MAST4: variants seen among roughly 807,000 people sequenced by gnomAD.
MAST4 encodes the protein microtubule associated serine/threonine kinase family member 4, also known as microtubule-associated serine/threonine-protein kinase 4.
Under a neutral mutation model 162.7 loss-of-function variants are expected in MAST4, and 89 were observed. That is an observed-to-expected ratio of 0.55 (90% CI 0.46 to 0.65). MAST4 has a LOEUF of 0.65. Among genes scored for constraint, MAST4 ranks in the 30% least tolerant of loss-of-function variants. MAST4 has a pLI of 0.00. For missense variants in MAST4, 3,153 were observed against 3,374.0 expected (o/e 0.93, Z 1.62); for synonymous variants, 1,479 against 1,361.1 (o/e 1.09, Z -1.91).
At chr5:67,049,756 G>A (rs1251087458) in intron 4 of MAST4, among the ~76,000 whole-genome samples, 3 of 152,008 alleles carry the variant, frequency 2.0e-5, no homozygotes, top group African/African-American at 4.8e-5. Context: ...TGCCTGTCGG[G>A]GTTTCCTCTC....
intron 4 of MAST4, among the ~76,000 whole-genome samples, chr5:66,922,100 A>T (rs1165595888): frequency 6.6e-6 from 1 of 152,180 alleles, no homozygotes; most frequent in African/African-American, 2.4e-5. Context: ...CATATTGCTG[A>T]AATTTTAAAT....
chr5:66,945,414 A>G (rs1371121750), intron 4 of MAST4, among the ~76,000 whole-genome samples: 3 of 152,264 alleles, frequency 2.0e-5, no homozygotes, highest in East Asian at 1.9e-4. Context: ...ATAAGTCCTC[A>G]GTTGGCTCCA....
At chr5:66,835,860 C>T (rs780436406) in intron 3 of MAST4, among the ~76,000 whole-genome samples, 1 of 152,110 alleles carries the variant, frequency 6.6e-6, no homozygotes, top group African/African-American at 2.4e-5. Flanking sequence ...ACAAAATTGC[C>T]TTCATTGCCA....
chr5:66,796,189 G>C (rs1179424542), intron 3 of MAST4, among the ~76,000 whole-genome samples: 1 of 152,126 alleles, frequency 6.6e-6, no homozygotes, highest in Non-Finnish European at 1.5e-5. Flanking sequence ...TAATCCAACT[G>C]CTATCTCTGT....
intron 4 of MAST4, among the ~76,000 whole-genome samples, chr5:67,051,633 C>T (rs963358351): frequency 1.3e-5 from 2 of 152,012 alleles, no homozygotes; most frequent in South Asian, 2.1e-4. Flanking sequence ...CCTTCCTGTA[C>T]CCTGGAAAGG....
intron 3 of MAST4, among the ~76,000 whole-genome samples, chr5:66,892,487 C>A (rs139318225): frequency 1.3e-5 from 2 of 152,296 alleles, no homozygotes; most frequent in East Asian, 3.9e-4. Flanking sequence ...TGGCTTTAAT[C>A]CCCACATGTG....
At chr5:67,082,827 T>A (rs963507225) in intron 5 of MAST4, among the ~76,000 whole-genome samples, 4 of 152,214 alleles carry the variant, frequency 2.6e-5, no homozygotes, top group African/African-American at 9.6e-5. Context: ...AAAGTAATTG[T>A]AAATGTTAAA....
intron 24 of MAST4, among the ~76,000 whole-genome samples, chr5:67,150,222 C>G (rs527801117): frequency 6.6e-6 from 1 of 152,192 alleles, no homozygotes; most frequent in South Asian, 2.1e-4. Context: ...TTTGCCACTA[C>G]TGATCACTAA....
intron 4 of MAST4, among the ~76,000 whole-genome samples, chr5:67,050,215 A>G (rs1298961902): frequency 1.3e-5 from 2 of 152,206 alleles, no homozygotes; most frequent in African/African-American, 4.8e-5. Context: ...TAAGAAATTG[A>G]GAAGCTCCTT....
intron 1 of MAST4, among the ~76,000 whole-genome samples, chr5:66,718,330 CAT>C (rs1750983468): frequency 6.6e-6 from 1 of 151,486 alleles, no homozygotes; most frequent in Non-Finnish European, 1.5e-5. Context: ...GTTATGATGT[CAT>C]CTTGCTCCTT....
At chr5:67,133,934 TG>T (rs1561699036) in intron 17 of MAST4, among the ~76,000 whole-genome samples, 1 of 152,190 alleles carries the variant, frequency 6.6e-6, no homozygotes, top group Non-Finnish European at 1.5e-5. Flanking sequence ...ATACTGTTTT[TG>T]TAAGGAATTC....
At position 66,788,787 on chromosome 5, in the gene MAST4, C is replaced by G; in HGVS notation, c.635C>G (p.Ala212Gly). 6.3e-7 allele frequency: 1 copy of G among 1,587,628 alleles called. No individual in the cohort carries two copies. The change falls in exon 3 of 29, where the codon GCC becomes GGC. Residue 212 changes from alanine to glycine, a missense_variant. This residue lies in a region of MAST4 where 327 missense variants were observed against 336.5 expected (regional missense o/e 0.97). Coordinates refer to ENST00000403625, the MANE Select transcript of MAST4 (RefSeq NM_001164664.2). ...ALGQSAPSLT[A>G]SLKELSLPRR... ...GGCCAGTCGGCGCCCTCGCTCACCG[C>G]CAGCCTGGTGAGTGTCCGCGGGCGC...
chr5:66,969,213 A>G (rs16896069), intron 4 of MAST4, among the ~76,000 whole-genome samples: 24,081 of 152,022 alleles, frequency 0.16, 3,336 homozygotes, highest in African/African-American at 0.37. Context: ...TAGAGCTGCC[A>G]TTCTCCATTT....
At chr5:66,815,711 A>G (rs80167130) in intron 3 of MAST4, among the ~76,000 whole-genome samples, 7,391 of 152,310 alleles carry the variant, frequency 0.049, 269 homozygotes, top group South Asian at 0.13. Context: ...GTATTGCTTT[A>G]CAAATAAGAA....
At chr5:66,860,225 G>T (rs1759996563) in intron 3 of MAST4, among the ~76,000 whole-genome samples, 1 of 152,076 alleles carries the variant, frequency 6.6e-6, no homozygotes, top group Non-Finnish European at 1.5e-5. Flanking sequence ...ATTTCCTGGG[G>T]CTGTTATAAA....
intron 6 of MAST4, among the ~76,000 whole-genome samples, chr5:67,094,333 A>C (rs1235700453): frequency 6.6e-6 from 1 of 152,192 alleles, no homozygotes; most frequent in Non-Finnish European, 1.5e-5. Flanking sequence ...TCAGTTTTTT[A>C]CGTTAACATC....
chr5:66,753,482 C>T (rs1399243312), intron 1 of MAST4, among the ~76,000 whole-genome samples: 1 of 151,562 alleles, frequency 6.6e-6, no homozygotes, highest in Non-Finnish European at 1.5e-5. Flanking sequence ...ACCACCGATC[C>T]CACAGAAATA....
At chr5:66,751,241 C>G (rs1402989925) in intron 1 of MAST4, among the ~76,000 whole-genome samples, 2 of 152,158 alleles carry the variant, frequency 1.3e-5, no homozygotes, top group Non-Finnish European at 1.5e-5. Flanking sequence ...CAGAGCGCCT[C>G]TCCTCCTCCA....
chr5:67,117,506 A>T (rs2150937832), intron 12 of MAST4, among the ~76,000 whole-genome samples: 1 of 151,940 alleles, frequency 6.6e-6, no homozygotes, highest in East Asian at 1.9e-4. Context: ...AGAAACTAAG[A>T]AATAATTTTT....
Sources: allele counts gnomAD v4.1 joint callset (sites outside exome capture counted in the v4.1 genomes callset), GRCh38; gene constraint gnomAD v4.1.1; regional missense constraint gnomAD v4.1.1; transcripts MANE v1.5; gene names NCBI Gene and HGNC (gene_info 2026-07-23, HGNC 2026-07-21).